ACSM2B: variants seen among roughly 807,000 people sequenced by gnomAD.
ACSM2B encodes acyl-coenzyme A synthetase ACSM2B, mitochondrial.
ACSM2B carries 58 observed loss-of-function variants against 78.6 expected under a neutral mutation model. The ratio of observed to expected loss-of-function variants is 0.74; its 90% CI spans 0.60 to 0.92. The LOEUF (loss-of-function observed/expected upper bound fraction) is 0.92. Ranked by LOEUF, ACSM2B falls within the 40% of genes least tolerant of loss-of-function variation. The pLI, the probability that ACSM2B is intolerant of heterozygous loss-of-function variation, is 0.00. For synonymous variants in ACSM2B, 257 were observed against 256.8 expected, an observed-to-expected ratio of 1.00 and a Z score of -0.01; for missense variants, 688 against 711.2, an observed-to-expected ratio of 0.97 and a Z score of 0.37.
In ACSM2B at chr16:20,552,199, C is replaced by T. The variant is rs1370017422; in HGVS notation, c.839G>A (p.Gly280Glu). 6.2e-7 allele frequency: 1 copy of T among 1,613,814 alleles called. No individual in the cohort carries two copies. Among genetic ancestry groups the T allele is most frequent in the South Asian group, 1.1e-5 (1 of 91,056 alleles). The change falls in exon 6 of 14, where the codon GGA (glycine) becomes GAA (glutamate). Residue 280 changes from glycine to glutamate, a missense_variant. By Grantham distance (98) the Gly-to-Glu change is moderately conservative. Transcript: ENST00000329697. Reference protein sequence around the residue: ...LGSLLESWTLGACTFVHLLPK... With the variant: ...LGSLLESWTLEACTFVHLLPK... ...CAAGAGATGAACAAATGTGCATGCT[C>T]CTAATGTCCAAGATTCCAAAAGTGA...
At chr16:20,540,013 C>T (rs2014941263) in intron 13 of ACSM2B, among the ~76,000 whole-genome samples, 1 of 152,176 alleles carries the variant, frequency 6.6e-6, no homozygotes, top group African/African-American at 2.4e-5. Flanking sequence ...TCACTTGCAA[C>T]TGAGCGTTGC....
At chr16:20,545,023 A>G in intron 10 of ACSM2B, 134 bp downstream of exon 10, 1 of 1,250,234 alleles carries the variant, frequency 8.0e-7, no homozygotes, top group Non-Finnish European at 1.1e-6. Context: ...CAAAGCATAC[A>G]TTCTTGAAAA....
chr16:20,555,469 G>A lies in ACSM2B; in HGVS notation c.396C>T (p.Ile132=), dbSNP rs374394716. 1.9e-6 allele frequency: 3 copies of A among 1,612,524 alleles called. No individual in the cohort carries two copies. Among genetic ancestry groups the A allele is most frequent in the Non-Finnish European group, 2.5e-6 (3 of 1,178,916 alleles). ...VILGCIRAGL[I]FMPGTIQMKS... ...TCATCTGGATGGTTCCAGGCATAAA[G>A]ATGAGACCTAAAGAAGCCAACAATT... is the stretch of plus-strand genomic sequence containing the variant. Residue 132 remains isoleucine (I), a synonymous_variant, in exon 4 of 14, where the codon ATC becomes ATT. Transcript: ENST00000329697.
intron 3 of ACSM2B, among the ~76,000 whole-genome samples, chr16:20,557,294 C>T (rs1048302894): frequency 6.6e-6 from 1 of 152,174 alleles, no homozygotes; most frequent in Non-Finnish European, 1.5e-5. Flanking sequence ...ATACCCATAC[C>T]TCTTTCTATA....
intron 13 of ACSM2B, among the ~76,000 whole-genome samples, chr16:20,538,312 C>T (rs897467110): frequency 6.6e-6 from 1 of 152,188 alleles, no homozygotes; most frequent in African/African-American, 2.4e-5. Flanking sequence ...AGGCAAAATA[C>T]AGCCCACTTC....
intron 1 of ACSM2B, among the ~76,000 whole-genome samples, chr16:20,567,473 G>T (rs1169853635): frequency 9.6e-6 from 1 of 103,832 alleles, no homozygotes; most frequent in Admixed American, 1.2e-4. Flanking sequence ...TATAATAATA[G>T]TATAACAGTA....
chr16:20,558,313 C>T (rs1277101843), intron 3 of ACSM2B, among the ~76,000 whole-genome samples: 2 of 148,374 alleles, frequency 1.3e-5, no homozygotes, highest in African/African-American at 2.4e-5. Context: ...GTTTTCATCC[C>T]CAGCCAAACC....
chr16:20,541,312 T>C (rs2014981712), intron 12 of ACSM2B: 1 of 153,290 alleles, frequency 6.5e-6, no homozygotes, highest in Admixed American at 6.4e-5. Flanking sequence ...AGAGGTATGA[T>C]AGTGCCAGGC....
At chr16:20,543,729 G>T (rs1433252579) in intron 10 of ACSM2B, among the ~76,000 whole-genome samples, 2 of 152,128 alleles carry the variant, frequency 1.3e-5, no homozygotes, top group East Asian at 1.9e-4. Flanking sequence ...TACAATAGCT[G>T]GGTCCCTCTA....
At chr16:20,569,675 T>G (rs2016041607) in intron 1 of ACSM2B, among the ~76,000 whole-genome samples, 1 of 152,044 alleles carries the variant, frequency 6.6e-6, no homozygotes, top group African/African-American at 2.4e-5. Flanking sequence ...ATATAGTCAT[T>G]TTTACAATAT....
chr16:20,558,643 C>A (rs2015547410), intron 3 of ACSM2B, among the ~76,000 whole-genome samples: 1 of 152,096 alleles, frequency 6.6e-6, no homozygotes, highest in Admixed American at 6.6e-5. Flanking sequence ...TCCATTGAGA[C>A]TTAGTTGCTC....
chr16:20,562,601 A>G (rs2015697127), intron 2 of ACSM2B, among the ~76,000 whole-genome samples: 1 of 151,978 alleles, frequency 6.6e-6, no homozygotes, highest in South Asian at 2.1e-4. Flanking sequence ...CCTGAAACCA[A>G]CTCCCTTCTT....
chr16:20,567,503 A>T (rs1198551834), intron 1 of ACSM2B, among the ~76,000 whole-genome samples: 5 of 127,446 alleles, frequency 3.9e-5, no homozygotes, highest in Admixed American at 1.9e-4. Flanking sequence ...AATATATAAA[A>T]TATATAAATA....
intron 2 of ACSM2B, among the ~76,000 whole-genome samples, chr16:20,563,720 A>G (rs2015735791): frequency 6.6e-6 from 1 of 151,664 alleles, no homozygotes; most frequent in Non-Finnish European, 1.5e-5. Flanking sequence ...TGCAATCTCC[A>G]CACTAAGACT....
chr16:20,564,853 C>A lies in ACSM2B; in HGVS notation c.-8G>T. The A allele has an allele frequency of 3.1e-6, 5 of 1,601,890 alleles. No homozygotes were observed. Among genetic ancestry groups the A allele is most frequent in the Non-Finnish European group, 3.4e-6 (4 of 1,173,260 alleles). ...TTTTCGCAGCCAATGCATGTTCAGG[C>A]CTGTAAAAGAAAGAAGAGACACAGG... On this transcript the variant is annotated splice_region_variant and 5_prime_UTR_variant, in exon 2 of 14. Coordinates refer to ENST00000329697, the MANE Select transcript of ACSM2B (RefSeq NM_001105069.2).
At position 20,565,560 on chromosome 16, in the gene ACSM2B, G is replaced by C. The variant is rs1379084316; in HGVS notation, c.-8-707C>G. 1.3e-5 allele frequency among the ~76,000 whole-genome samples: 2 copies of C among 152,114 alleles called. 1 individual carries two copies. Among genetic ancestry groups the C allele is most frequent in the East Asian group, 3.9e-4 (2 of 5,192 alleles). On this transcript the variant is annotated intron_variant, in intron 1 of 13. Coordinates refer to ENST00000329697, the MANE Select transcript of ACSM2B (RefSeq NM_001105069.2). Reference sequence around the variant, plus strand: ...CTGTAGCAAATGTTAACTAATACAAGTAGCATCCTTTTCTTTAAATTGAAT... The same window carrying C: ...CTGTAGCAAATGTTAACTAATACAACTAGCATCCTTTTCTTTAAATTGAAT...
intron 3 of ACSM2B, among the ~76,000 whole-genome samples, chr16:20,557,434 ATCTCCATC>A (rs71390979): frequency 0.18 from 27,727 of 151,874 alleles, 3,560 homozygotes; most frequent in East Asian, 0.69. Flanking sequence ...AAATCCACTT[ATCTCCATC>A]TCTACTACCT....
intron 6 of ACSM2B, chr16:20,549,492 C>G (rs1404619062): frequency 2.8e-5 from 5 of 180,446 alleles, no homozygotes; most frequent in Non-Finnish European, 5.9e-5. Context: ...AACCCACTAA[C>G]ATGATAAACT....
chr16:20,565,558 A>C, intron 1 of ACSM2B, among the ~76,000 whole-genome samples: 1 of 152,152 alleles, frequency 6.6e-6, no homozygotes, highest in East Asian at 1.9e-4. Context: ...TAACTAATAC[A>C]AGTAGCATCC....
Sources: allele counts gnomAD v4.1 joint callset (sites outside exome capture counted in the v4.1 genomes callset), GRCh38; gene constraint gnomAD v4.1.1; transcripts MANE v1.5; gene names NCBI Gene and HGNC (gene_info 2026-07-23, HGNC 2026-07-21).